The following DYNC2H1 variants were observed in gnomAD, a reference collection of about 807,000 sequenced individuals.
DYNC2H1 encodes the protein cytoplasmic dynein 2 heavy chain 1.
DYNC2H1 carries 410 observed loss-of-function variants against 570.0 expected under a neutral mutation model. The ratio of observed to expected loss-of-function variants is 0.72; its 90% CI spans 0.66 to 0.78. The LOEUF is 0.78. Ranked by LOEUF, DYNC2H1 falls within the 30% of genes least tolerant of loss-of-function variation. DYNC2H1 has a pLI of 0.00. For synonymous variants in DYNC2H1, 1,688 were observed against 1,677.6 expected, an observed-to-expected ratio of 1.01 and a Z score of -0.15; for missense variants, 4,865 against 5,046.4, an observed-to-expected ratio of 0.96 and a Z score of 1.09.
chr11:103,310,692 TTTTTTTG>T lies in DYNC2H1; in HGVS notation c.11494-1185_11494-1179del, dbSNP rs1306891382. ...TATTTTCTTTTTTTTTTTTTTTTTT[TTTTTTTG>T]GGAGACTGAGTCTTGCTCTGTGCCC... On this transcript the variant is annotated intron_variant, in intron 78 of 88. Coordinates refer to ENST00000375735, the MANE Select transcript of DYNC2H1 (RefSeq NM_001377.3). 8.6e-4 allele frequency among the ~76,000 whole-genome samples: 75 copies of T among 86,986 alleles called. 1 individual carries two copies. Among genetic ancestry groups the T allele is most frequent in the East Asian group, 7.9e-3 (18 of 2,270 alleles). 57.1% of individuals were successfully genotyped at this position (86,986 alleles called of 152,430 possible).
intron 85 of DYNC2H1, among the ~76,000 whole-genome samples, chr11:103,447,267 T>C (rs1944454814): frequency 6.6e-6 from 1 of 152,156 alleles, no homozygotes; most frequent in Admixed American, 6.5e-5. Context: ...CTCTAATAGG[T>C]GGCTATATTA....
At chr11:103,303,457 A>T (rs938664742) in intron 76 of DYNC2H1, among the ~76,000 whole-genome samples, 4 of 152,164 alleles carry the variant, frequency 2.6e-5, no homozygotes, top group African/African-American at 7.2e-5. Flanking sequence ...TCAGATGGGA[A>T]GAGTAGCCTG....
At chr11:103,263,133 G>A (rs1865377773) in intron 70 of DYNC2H1, among the ~76,000 whole-genome samples, 1 of 151,914 alleles carries the variant, frequency 6.6e-6, no homozygotes, top group African/African-American at 2.4e-5. Context: ...ATGGTAAAGG[G>A]ATCAATGCAA....
intron 83 of DYNC2H1, among the ~76,000 whole-genome samples, chr11:103,387,952 G>GT (rs1941962473): frequency 6.6e-6 from 1 of 152,100 alleles, no homozygotes; most frequent in African/African-American, 2.4e-5. Context: ...CTCCAGCTTT[G>GT]TTTTTTGGCT....
intron 70 of DYNC2H1, among the ~76,000 whole-genome samples, chr11:103,272,737 C>T (rs1032856589): frequency 6.6e-6 from 1 of 151,956 alleles, no homozygotes; most frequent in African/African-American, 2.4e-5. Context: ...TCATATTAAT[C>T]CTGATCTAGT....
intron 12 of DYNC2H1, 69 bp from the exon 13 acceptor site, chr11:103,128,841 C>G (rs1859125625): frequency 1.6e-6 from 2 of 1,275,780 alleles, no homozygotes; most frequent in South Asian, 1.5e-5. Flanking sequence ...CATTTTCATT[C>G]AAACAATTAA....
intron 69 of DYNC2H1, among the ~76,000 whole-genome samples, chr11:103,258,317 G>A (rs1309006044): frequency 1.3e-5 from 2 of 152,198 alleles, no homozygotes; most frequent in Non-Finnish European, 2.9e-5. Context: ...TTAAGAGATG[G>A]TGAGGCTATA....
At chr11:103,320,559 A>T (rs1208543355) in intron 80 of DYNC2H1, among the ~76,000 whole-genome samples, 2 of 152,228 alleles carry the variant, frequency 1.3e-5, no homozygotes, top group African/African-American at 2.4e-5. Context: ...CCTGTTAATC[A>T]GATTATTTTA....
At chr11:103,397,068 A>G (rs1214511988) in intron 83 of DYNC2H1, among the ~76,000 whole-genome samples, 1 of 152,196 alleles carries the variant, frequency 6.6e-6, no homozygotes, top group Non-Finnish European at 1.5e-5. Context: ...CTTCACCACT[A>G]TGCATTATAT....
At chr11:103,149,273 C>T (rs1860408567) in intron 20 of DYNC2H1, among the ~76,000 whole-genome samples, 1 of 152,010 alleles carries the variant, frequency 6.6e-6, no homozygotes, top group African/African-American at 2.4e-5. Context: ...TAGGAGTACA[C>T]ATATACACAT....
At chr11:103,251,040 A>G (rs553971349) in intron 65 of DYNC2H1, among the ~76,000 whole-genome samples, 3 of 152,212 alleles carry the variant, frequency 2.0e-5, no homozygotes, top group East Asian at 1.9e-4. Flanking sequence ...CAGGTTAATT[A>G]ATAGTGTCAA....
chr11:103,423,292 C>T (rs185254116), intron 84 of DYNC2H1, among the ~76,000 whole-genome samples: 43 of 151,264 alleles, frequency 2.8e-4, no homozygotes, highest in African/African-American at 9.9e-4. Flanking sequence ...TCCAGATAGA[C>T]CCCGAAATAT....
rs794727767 is a variant in DYNC2H1, at chr11:103,220,721, T to C, written c.9045T>C (p.Asp3015=). The change falls in exon 57 of 89, where the codon GAT becomes GAC. Residue 3015 remains aspartate (D), a synonymous_variant. Coordinates refer to ENST00000375735, the MANE Select transcript of DYNC2H1 (RefSeq NM_001377.3). ...SLRMPPDVIR[D]ILEGVLRLMG... ...GCATGCCACCTGATGTAATTAGAGATATTCTTGAAGGAGTTTTAAGGTTGA... is the reference window on the plus strand; with the variant it reads ...GCATGCCACCTGATGTAATTAGAGACATTCTTGAAGGAGTTTTAAGGTTGA... 3.1e-6 allele frequency: 5 copies of C among 1,612,992 alleles called. No homozygotes were observed. In the African/African-American group the frequency reaches 6.7e-5, roughly 22 times the overall value.
intron 60 of DYNC2H1, among the ~76,000 whole-genome samples, chr11:103,231,939 A>G (rs1466138065): frequency 6.6e-6 from 1 of 151,908 alleles, no homozygotes; most frequent in Non-Finnish European, 1.5e-5. Context: ...TTATAGAGAA[A>G]TACTTATAGA....
rs1015367962 is a variant in DYNC2H1, at chr11:103,201,986, G to C, written c.8198-1677G>C. 2.6e-5 allele frequency among the ~76,000 whole-genome samples: 4 copies of C among 152,210 alleles called. No individual in the cohort carries two copies. The highest frequency in any genetic ancestry group is 5.9e-5 in the Non-Finnish European group (4 of 68,002). Reference sequence around the variant, plus strand: ...TCAACTCAGTTTTCAATAAATACTTGCTTTGTATCATGCTAGTGCTCTGAG... The same window carrying C: ...TCAACTCAGTTTTCAATAAATACTTCCTTTGTATCATGCTAGTGCTCTGAG... On this transcript the variant is annotated intron_variant, in intron 50 of 88. Transcript: ENST00000375735. The surrounding 1 kb of genome is among the most constrained non-coding windows in gnomAD (Gnocchi z 4.8).
At chr11:103,128,257 G>C (rs1335871843) in intron 12 of DYNC2H1, among the ~76,000 whole-genome samples, 1 of 152,158 alleles carries the variant, frequency 6.6e-6, no homozygotes, top group Admixed American at 6.5e-5. Context: ...GTAGGCAAGA[G>C]GTGTGATATA....
At chr11:103,458,692 C>A (rs1349921298) in intron 87 of DYNC2H1, among the ~76,000 whole-genome samples, 5 of 151,936 alleles carry the variant, frequency 3.3e-5, no homozygotes, top group Non-Finnish European at 7.4e-5. Context: ...ATTATTTTTA[C>A]AATAACAGGT....
chr11:103,374,089 A>G (rs1213306663), intron 83 of DYNC2H1, among the ~76,000 whole-genome samples: 3 of 152,168 alleles, frequency 2.0e-5, no homozygotes, highest in Admixed American at 6.5e-5. Flanking sequence ...TAGGCAACAT[A>G]TAGTAGGGTC....
intron 66 of DYNC2H1, 72 bp from the exon 67 acceptor site, chr11:103,255,343 C>G: frequency 1.4e-6 from 2 of 1,476,660 alleles, no homozygotes; most frequent in Non-Finnish European, 1.8e-6. Flanking sequence ...AACACAAGGC[C>G]TGTTTGCAGG....
Sources: allele counts gnomAD v4.1 joint callset (sites outside exome capture counted in the v4.1 genomes callset), GRCh38; gene constraint gnomAD v4.1.1; non-coding constraint Gnocchi (gnomAD v3.1); transcripts MANE v1.5; gene names NCBI Gene and HGNC (gene_info 2026-07-23, HGNC 2026-07-21).